SLC27A6: variants seen among roughly 807,000 people sequenced by gnomAD.
The protein encoded by SLC27A6 is solute carrier family 27 member 6, also known as long-chain fatty acid transport protein 6.
SLC27A6 carries 74 observed loss-of-function variants against 63.9 expected under a neutral mutation model. That is an observed-to-expected ratio of 1.16 (90% CI 0.96 to 1.40). The LOEUF is 1.40. Ranked by LOEUF, SLC27A6 falls within the 40% of genes most tolerant of loss-of-function variation. SLC27A6 has a pLI of 0.00. For synonymous variants in SLC27A6, 287 were observed against 260.8 expected (o/e 1.10, Z -0.97); for missense variants, 794 against 732.9 (o/e 1.08, Z -0.96).
rs563644012 is a variant in SLC27A6 at position 128,985,286 on chromosome 5, T to A, written c.635T>A (p.Val212Asp). Residue 212 changes from valine to aspartate, a missense_variant, in exon 2 of 10, where the codon GTC (valine) becomes GAC (aspartate). Val to Asp is a radical substitution (Grantham distance 152, BLOSUM62 -3). Transcript: ENST00000262462. ...CCCGTGCCACGCAGCCACCATGTTG[T>A]CTCACTCCTCAAGTCTACTTGTCTT... ...DEPVPRSHHV[V>D]SLLKSTCLYI... The A allele has an allele frequency of 6.2e-6, 10 of 1,614,100 alleles. No homozygotes were observed. The South Asian group carries it at 6.6e-5, about 11-fold the overall frequency.
At chr5:128,986,245 T>G in intron 2 of SLC27A6, among the ~76,000 whole-genome samples, 1 of 152,134 alleles carries the variant, frequency 6.6e-6, no homozygotes, top group East Asian at 1.9e-4. Context: ...TCCCAGAAGT[T>G]CGGGGTTATA....
At chr5:128,979,648 A>G (rs183970991) in intron 1 of SLC27A6, among the ~76,000 whole-genome samples, 161 of 152,240 alleles carry the variant, frequency 1.1e-3, no homozygotes, top group African/African-American at 3.6e-3. Flanking sequence ...GCAACAGGAG[A>G]TGTGTTAGAA....
chr5:129,012,106 G>T (rs972095947), intron 4 of SLC27A6, among the ~76,000 whole-genome samples: 1 of 150,862 alleles, frequency 6.6e-6, no homozygotes, highest in Non-Finnish European at 1.5e-5. Context: ...ATAAAAATAC[G>T]TATTTTTACT....
At chr5:129,008,035 A>G (rs996335867) in intron 4 of SLC27A6, among the ~76,000 whole-genome samples, 2 of 152,054 alleles carry the variant, frequency 1.3e-5, no homozygotes, top group African/African-American at 4.8e-5. Context: ...TATGTTACAT[A>G]ATATTTATAT....
Position 128,990,460 on chromosome 5 carries a change from C to CT in SLC27A6, c.966dup (p.Lys323Ter), listed in dbSNP as rs771254974. On this transcript the variant is annotated frameshift_variant, in exon 4 of 10. Coordinates refer to ENST00000262462, the MANE Select transcript of SLC27A6 (RefSeq NM_001017372.3). LOFTEE classifies it high-confidence loss of function. Reference sequence around the variant, plus strand: ...CTTTGTCGCTACCTTTGCAAACAATCTAAGGTAGGCGTAATCATTATCAGA... The same window carrying CT: ...CTTTGTCGCTACCTTTGCAAACAATCTTAAGGTAGGCGTAATCATTATCAGA... The CT allele has an allele frequency of 1.4e-5, 22 of 1,608,930 alleles. No individual in the cohort carries two copies. The highest frequency in any genetic ancestry group is 3.4e-5 in the Admixed American group (2 of 58,968).
chr5:129,015,777 G>C (rs1383090120), intron 4 of SLC27A6, 108 bp from the exon 5 acceptor site: 1 of 749,384 alleles, frequency 1.3e-6, no homozygotes, highest in Non-Finnish European at 2.2e-6. Flanking sequence ...CTTCCCTTCT[G>C]TTATTGCACA....
chr5:129,019,541 C>A (rs892977700), intron 5 of SLC27A6, among the ~76,000 whole-genome samples: 1 of 151,210 alleles, frequency 6.6e-6, no homozygotes, highest in African/African-American at 2.4e-5. Context: ...TTTAGAAAAA[C>A]AATTACTCAC....
At chr5:128,968,890 G>A (rs928284259) in intron 1 of SLC27A6, among the ~76,000 whole-genome samples, 1 of 152,196 alleles carries the variant, frequency 6.6e-6, no homozygotes, top group African/African-American at 2.4e-5. Context: ...GGTTCTAATG[G>A]TTTTAGGTCT....
rs567124528 is a variant in SLC27A6 at position 129,027,115 on chromosome 5, TGTC to T, written c.1256-15_1256-13del. On this transcript the variant is annotated splice_polypyrimidine_tract_variant and intron_variant, in intron 6 of 9. Coordinates refer to ENST00000262462, the MANE Select transcript of SLC27A6 (RefSeq NM_001017372.3). Reference sequence around the variant, plus strand: ...AGTTTTAATCAGATGGCTGCAAAAATGTCGTTCTTTCTTGCAGGAGAACCTGGA... The same window carrying T: ...AGTTTTAATCAGATGGCTGCAAAAATGTTCTTTCTTGCAGGAGAACCTGGA... 3.3e-4 allele frequency: 525 copies of T among 1,604,908 alleles called. No homozygotes were observed. The African/African-American group carries it at 6.2e-3, about 19-fold the overall frequency.
At chr5:129,022,686 G>A (rs1277261353) in intron 5 of SLC27A6, among the ~76,000 whole-genome samples, 2 of 152,072 alleles carry the variant, frequency 1.3e-5, no homozygotes, top group African/African-American at 4.8e-5. Flanking sequence ...AGGGTTGGGC[G>A]AAGTGGCTCA....
At chr5:129,017,511 AG>A (rs563804791) in intron 5 of SLC27A6, among the ~76,000 whole-genome samples, 5 of 152,258 alleles carry the variant, frequency 3.3e-5, no homozygotes, top group African/African-American at 1.2e-4. Context: ...ATAAACTCAA[AG>A]GAAATAAAAG....
intron 1 of SLC27A6, among the ~76,000 whole-genome samples, chr5:128,969,549 T>C (rs1750054630): frequency 6.6e-6 from 1 of 152,204 alleles, no homozygotes; most frequent in Non-Finnish European, 1.5e-5. Flanking sequence ...AGATCACTCA[T>C]GATTTGGCTC....
At chr5:128,985,056 A>G (rs373066491) in intron 1 of SLC27A6, 77 bp from the exon 2 acceptor site, 20 of 982,960 alleles carry the variant, frequency 2.0e-5, no homozygotes, top group African/African-American at 6.6e-5. Flanking sequence ...CCCTGTTTCA[A>G]TACACAAAAG....
intron 1 of SLC27A6, among the ~76,000 whole-genome samples, chr5:128,977,309 CCTTG>C (rs1471599373): frequency 1.3e-5 from 2 of 152,124 alleles, no homozygotes; most frequent in African/African-American, 2.4e-5. Flanking sequence ...TTGAACTATT[CCTTG>C]AGGCTGCATC....
At chr5:129,005,101 T>C (rs1181975) in intron 4 of SLC27A6, among the ~76,000 whole-genome samples, 118,711 of 152,032 alleles carry the variant, frequency 0.78, 46,747 homozygotes, top group East Asian at 0.99. Context: ...GGCTTCCAGT[T>C]TTCTTCCAGG....
At chr5:129,003,195 C>G (rs1295410451) in intron 4 of SLC27A6, among the ~76,000 whole-genome samples, 1 of 152,188 alleles carries the variant, frequency 6.6e-6, no homozygotes, top group African/African-American at 2.4e-5. Context: ...ATTTTTCTCT[C>G]TTACAGTGTG....
intron 1 of SLC27A6, among the ~76,000 whole-genome samples, chr5:128,974,036 C>T (rs2150128541): frequency 6.6e-6 from 1 of 152,276 alleles, no homozygotes; most frequent in Admixed American, 6.5e-5. Flanking sequence ...GTTCTGTTTA[C>T]AAGGGCCAAC....
chr5:128,968,674 G>C (rs999572986), intron 1 of SLC27A6, among the ~76,000 whole-genome samples: 1 of 152,162 alleles, frequency 6.6e-6, no homozygotes, highest in African/African-American at 2.4e-5. Context: ...CCATTTGTCA[G>C]ATGGGTAGAT....
chr5:129,013,305 A>G (rs1249059024), intron 4 of SLC27A6, among the ~76,000 whole-genome samples: 2 of 151,990 alleles, frequency 1.3e-5, no homozygotes, highest in Non-Finnish European at 2.9e-5. Flanking sequence ...CTTTGGTGCT[A>G]AGAACTGCCT....
Sources: allele counts gnomAD v4.1 joint callset (sites outside exome capture counted in the v4.1 genomes callset), GRCh38; gene constraint gnomAD v4.1.1; transcripts MANE v1.5; gene names NCBI Gene and HGNC (gene_info 2026-07-23, HGNC 2026-07-21).